The following CDR2 variants were observed in gnomAD, a reference collection of about 807,000 sequenced individuals.
The protein encoded by CDR2 is cerebellar degeneration-related protein 2.
A neutral mutation model predicts 48.4 loss-of-function variants in CDR2; 34 were observed. That is an observed-to-expected ratio of 0.70 (90% CI 0.53 to 0.94). The LOEUF is 0.94. CDR2 is among the 40% of genes least tolerant of loss of function. The probability of loss-of-function intolerance (pLI) is 0.00; values close to 1 mark genes in which losing one functional copy is unlikely to be tolerated. For missense variants in CDR2, 498 were observed against 549.5 expected (o/e 0.91, Z 0.94); for synonymous variants, 240 against 219.7 (o/e 1.09, Z -0.82).
chr16:22,358,384 G>T (rs1304707457), intron 2 of CDR2, among the ~76,000 whole-genome samples: 1 of 152,158 alleles, frequency 6.6e-6, no homozygotes, highest in Non-Finnish European at 1.5e-5. Flanking sequence ...TTATCTCACT[G>T]TCTAGGAATT....
At chr16:22,363,490 C>A (rs146570442) in intron 2 of CDR2, among the ~76,000 whole-genome samples, 154 of 152,266 alleles carry the variant, frequency 1.0e-3, no homozygotes, top group African/African-American at 3.0e-3. Flanking sequence ...GATTTGTATT[C>A]AAAAGTTTAA....
chr16:22,373,159 T>C (rs1363465078), intron 1 of CDR2, among the ~76,000 whole-genome samples: 1 of 152,180 alleles, frequency 6.6e-6, no homozygotes, highest in Non-Finnish European at 1.5e-5. Context: ...CTATCAGTGT[T>C]AGGCACATAA....
chr16:22,371,695 T>C (rs1301076340), intron 1 of CDR2, among the ~76,000 whole-genome samples: 1 of 152,228 alleles, frequency 6.6e-6, no homozygotes, highest in African/African-American at 2.4e-5. Context: ...TGACAGGCCA[T>C]ATTCACAAGT....
rs756658491 is a variant in CDR2, at chr16:22,349,702, T to G, written c.340A>C (p.Ser114Arg). The G allele has an allele frequency of 6.2e-7, 1 of 1,613,926 alleles. No homozygotes were observed. Among genetic ancestry groups the G allele is most frequent in the East Asian group, 2.2e-5 (1 of 44,890 alleles). The stretch of plus-strand genomic sequence containing the variant: ...CTTGTCAGATTCTAGAAAATTTACC[T>G]CAGAATCTTTTGCTGTGAGGCCTTG... ...DSKASQQKIL[S>R]LTETIECLQT... Residue 114 changes from serine to arginine, a missense_variant and splice_region_variant, in exon 3 of 5, where the codon AGC becomes CGC. Physicochemically the swap from Ser to Arg is moderately radical, Grantham distance 110. Transcript: ENST00000268383.
intron 1 of CDR2, among the ~76,000 whole-genome samples, chr16:22,367,321 C>A (rs1407288449): frequency 6.6e-6 from 1 of 152,232 alleles, no homozygotes; most frequent in African/African-American, 2.4e-5. Context: ...AGCCACTGTG[C>A]CCAGCCTAGG....
At chr16:22,373,929 A>T (rs1235820210) in intron 1 of CDR2, among the ~76,000 whole-genome samples, 2 of 152,210 alleles carry the variant, frequency 1.3e-5, no homozygotes, top group African/African-American at 4.8e-5. Flanking sequence ...GCCTCGGAGG[A>T]ATGCAGTGAG....
In CDR2 at chr16:22,349,706, A is replaced by G; in HGVS notation, c.336T>C (p.Ile112=). The change falls in exon 3 of 5, where the codon ATT becomes ATC. Residue 112 remains isoleucine (I), a synonymous_variant. Coordinates refer to ENST00000268383, the MANE Select transcript of CDR2 (RefSeq NM_001802.2). Reference sequence around the variant, plus strand: ...TCAGATTCTAGAAAATTTACCTCAGAATCTTTTGCTGTGAGGCCTTGCTGT... The same window carrying G: ...TCAGATTCTAGAAAATTTACCTCAGGATCTTTTGCTGTGAGGCCTTGCTGT... ...VADSKASQQK[I]LSLTETIECL... 2 of 1,613,892 alleles carry G rather than the reference A, an allele frequency of 1.2e-6. No homozygotes were observed. Among genetic ancestry groups the G allele is most frequent in the Non-Finnish European group, 1.7e-6 (2 of 1,179,954 alleles).
intron 1 of CDR2, among the ~76,000 whole-genome samples, chr16:22,371,008 T>A (rs866283399): frequency 6.6e-6 from 1 of 152,210 alleles, no homozygotes; most frequent in African/African-American, 2.4e-5. Flanking sequence ...GTCAGGAGAT[T>A]GAGACCATCC....
At position 22,374,581 on chromosome 16, in the gene CDR2, C is replaced by T; in HGVS notation, c.-272G>A. 1 of 179,622 alleles carries T rather than the reference C, an allele frequency of 5.6e-6. No homozygotes were observed. Among genetic ancestry groups the T allele is most frequent in the Non-Finnish European group, 1.2e-5 (1 of 86,602 alleles). The allele number at this position is 179,622 out of a possible 1,614,324, so 11.1% of individuals were successfully genotyped here. A position where few individuals can be genotyped will look rare whatever the true frequency, so the allele number is the denominator to read the frequency against. ...GCCGGAGTCTCACGCAGCCGCCAGTCTTCACGCCGCCGCCGGGCCCAACGT... is the reference window on the plus strand; with the variant it reads ...GCCGGAGTCTCACGCAGCCGCCAGTTTTCACGCCGCCGCCGGGCCCAACGT... On this transcript the variant is annotated 5_prime_UTR_variant, in exon 1 of 5. Transcript: ENST00000268383.
At chr16:22,366,399 A>C (rs1380507924) in intron 1 of CDR2, among the ~76,000 whole-genome samples, 1 of 152,248 alleles carries the variant, frequency 6.6e-6, no homozygotes, top group Non-Finnish European at 1.5e-5. Flanking sequence ...TAAATGCTAA[A>C]GAGAAAAAAA....
chr16:22,373,895 G>A (rs528189609), intron 1 of CDR2, among the ~76,000 whole-genome samples: 77 of 152,348 alleles, frequency 5.1e-4, no homozygotes, highest in Middle Eastern at 3.4e-3. Context: ...ACTTACTGCG[G>A]GACACACTGG....
At chr16:22,359,132 TTC>T (rs1491364413) in intron 2 of CDR2, among the ~76,000 whole-genome samples, 1 of 152,070 alleles carries the variant, frequency 6.6e-6, no homozygotes, top group Non-Finnish European at 1.5e-5. Flanking sequence ...ACTACTAAAA[TTC>T]TTTTTTTTTT....
At position 22,365,030 on chromosome 16, in the gene CDR2, A is replaced by T. The variant is rs113463542; in HGVS notation, c.80-16T>A. 28 of 1,448,414 alleles carry T rather than the reference A, an allele frequency of 1.9e-5. No homozygotes were observed. Among genetic ancestry groups the T allele is most frequent in the Non-Finnish European group, 2.6e-5 (27 of 1,029,144 alleles). 89.7% of individuals were successfully genotyped at this position (1,448,414 alleles called of 1,614,324 possible). A position where few individuals can be genotyped will look rare whatever the true frequency, so the allele number is the denominator to read the frequency against. ...AGTTGAAGATCTAGCACAACAAATGAATCTTAGAATAATACAAATGATCTC... is the reference window on the plus strand; with the variant it reads ...AGTTGAAGATCTAGCACAACAAATGTATCTTAGAATAATACAAATGATCTC... On this transcript the variant is annotated splice_polypyrimidine_tract_variant and intron_variant, in intron 1 of 4. Transcript: ENST00000268383.
intron 2 of CDR2, among the ~76,000 whole-genome samples, chr16:22,361,674 G>C (rs899996081): frequency 6.6e-6 from 1 of 151,748 alleles, no homozygotes; most frequent in African/African-American, 2.4e-5. Context: ...ACTTATAAAA[G>C]GAAAGAAAAA....
Position 22,349,305 on chromosome 16 carries a change from A to G in CDR2, c.480T>C (p.Cys160=). The G allele has an allele frequency of 6.2e-7, 1 of 1,614,176 alleles. No individual in the cohort carries two copies. The highest frequency in any genetic ancestry group is 1.1e-5 in the South Asian group (1 of 91,080). ...GGCGGAGGTCATACAGCTCCTTCAG[A>G]CATGCAAAGCTGGGTGCCGGTTTCT... The part of the protein sequence containing the change: ...DQEKPAPSFA[C]LKELYDLRQH... The change falls in exon 4 of 5, where the codon TGT becomes TGC. Residue 160 remains cysteine, a synonymous_variant. Coordinates refer to ENST00000268383, the MANE Select transcript of CDR2 (RefSeq NM_001802.2).
intron 2 of CDR2, among the ~76,000 whole-genome samples, chr16:22,351,229 A>G (rs2048939492): frequency 6.6e-6 from 1 of 152,228 alleles, no homozygotes; most frequent in Non-Finnish European, 1.5e-5. Flanking sequence ...TCCATGGTGT[A>G]CATGTGCCAC....
intron 1 of CDR2, among the ~76,000 whole-genome samples, chr16:22,371,180 C>T (rs2141855570): frequency 6.6e-6 from 1 of 151,104 alleles, no homozygotes; most frequent in South Asian, 2.1e-4. Context: ...CACTGCACTC[C>T]AGCCTGGGGA....
chr16:22,359,158 C>A (rs35179124), intron 2 of CDR2, among the ~76,000 whole-genome samples: 2,184 of 151,866 alleles, frequency 0.014, 60 homozygotes, highest in African/African-American at 0.05. Context: ...GACGGAGTCT[C>A]GCTTTTTTGC....
rs1244621518 is a variant in CDR2, at chr16:22,347,270, T to G, written c.1060A>C (p.Ser354Arg). The change falls in exon 5 of 5, where the codon AGC (serine) becomes CGC (arginine). Residue 354 changes from serine to arginine, a missense_variant. Coordinates refer to ENST00000268383, the MANE Select transcript of CDR2 (RefSeq NM_001802.2). ...SLLHEVDTQY[S>R]ALKVKYEELL... The stretch of plus-strand genomic sequence containing the variant: ...TCTTCATACTTCACCTTCAGGGCGC[T>G]GTACTGCGTGTCCACTTCGTGCAGA... 3.7e-6 allele frequency: 6 copies of G among 1,614,098 alleles called. No homozygotes were observed. In the African/African-American group the frequency reaches 8.0e-5, roughly 22 times the overall value.
Sources: gnomAD v4.1 joint callset for allele counts (sites outside exome capture counted in the v4.1 genomes callset) on GRCh38, gnomAD v4.1.1 for gene constraint, MANE v1.5 for transcripts, NCBI Gene and HGNC (gene_info 2026-07-23, HGNC 2026-07-21) for gene names.